MGAT4C: variants seen among roughly 807,000 people sequenced by gnomAD.
The protein encoded by MGAT4C is MGAT4 family member C, also known as alpha-1,3-mannosyl-glycoprotein 4-beta-N-acetylglucosaminyltransferase C.
In MGAT4C, 19 loss-of-function variants were observed where a neutral mutation model predicts 40.1. The ratio of observed to expected loss-of-function variants is 0.47; its 90% CI spans 0.33 to 0.70. The LOEUF is 0.70. Ranked by LOEUF, MGAT4C falls within the 30% of genes least tolerant of loss-of-function variation. MGAT4C has a pLI of 0.02. For missense variants in MGAT4C, 491 were observed against 563.2 expected, an observed-to-expected ratio of 0.87 and a Z score of 1.30; for synonymous variants, 181 against 187.1, an observed-to-expected ratio of 0.97 and a Z score of 0.27.
At chr12:86,341,442 G>C (rs139807928) in intron 3 of MGAT4C, among the ~76,000 whole-genome samples, 4 of 152,290 alleles carry the variant, frequency 2.6e-5, no homozygotes, top group African/African-American at 9.6e-5. Flanking sequence ...TGCTGCTCTA[G>C]CAAAGTAGAA....
chr12:86,634,749 A>G (rs1205610473), intron 2 of MGAT4C, among the ~76,000 whole-genome samples: 2 of 152,170 alleles, frequency 1.3e-5, no homozygotes, highest in Non-Finnish European at 2.9e-5. Flanking sequence ...CTTCAGGACC[A>G]GCTGGAGACT....
intron 3 of MGAT4C, among the ~76,000 whole-genome samples, chr12:86,406,492 T>C (rs1956477557): frequency 6.6e-6 from 1 of 152,058 alleles, no homozygotes; most frequent in Non-Finnish European, 1.5e-5. Flanking sequence ...TGAAAAGTTG[T>C]TCAACATCAT....
chr12:86,641,322 C>G lies in MGAT4C; in HGVS notation c.-229+85887G>C, dbSNP rs1369922616. The stretch of plus-strand genomic sequence containing the variant: ...CTCATAGGTGGGAATTGAACAATGA[C>G]AACACATGGACACAGGAAGGGGAAC... On this transcript the variant is annotated intron_variant, in intron 2 of 7. Transcript: ENST00000548651. Among the ~76,000 whole-genome samples, 43 of 149,638 alleles carry G rather than the reference C, an allele frequency of 2.9e-4. 1 individual carries two copies. Among genetic ancestry groups the G allele is most frequent in the East Asian group, 2.0e-4 (1 of 5,012 alleles).
In MGAT4C at chr12:85,975,094, T is replaced by C. The variant is rs1285234580; in HGVS notation, c.*4195A>G. 3 of 150,948 alleles carry C rather than the reference T, an allele frequency of 2.0e-5. No homozygotes were observed. Among genetic ancestry groups the C allele is most frequent in the African/African-American group, 7.3e-5 (3 of 41,328 alleles). 9.4% of individuals were successfully genotyped at this position (150,948 alleles called of 1,614,324 possible). The stretch of plus-strand genomic sequence containing the variant: ...CAGAAATGAATATTATTATTTGTGA[T>C]GAGAGCACTAGGGGCAATTTTGATA... On this transcript the variant is annotated 3_prime_UTR_variant, in exon 5 of 5. Transcript: ENST00000611864.
intron 2 of MGAT4C, among the ~76,000 whole-genome samples, chr12:86,717,263 C>T (rs575594013): frequency 6.6e-6 from 1 of 150,846 alleles, no homozygotes; most frequent in East Asian, 1.9e-4. Flanking sequence ...TTCTTAAACA[C>T]CTTATATAAG....
intron 1 of MGAT4C, among the ~76,000 whole-genome samples, chr12:86,085,295 CA>C (rs1871577978): frequency 6.6e-6 from 1 of 151,832 alleles, no homozygotes; most frequent in Admixed American, 6.6e-5. Flanking sequence ...ATGTCCTGAA[CA>C]GTATTGCCTA....
At chr12:86,508,420 G>A (rs1402519442) in intron 2 of MGAT4C, among the ~76,000 whole-genome samples, 7 of 152,108 alleles carry the variant, frequency 4.6e-5, no homozygotes, top group East Asian at 1.9e-4. Context: ...AGTATTCCAC[G>A]GTGTATATGT....
At chr12:86,144,485 G>A (rs557768104) in intron 1 of MGAT4C, among the ~76,000 whole-genome samples, 18 of 152,250 alleles carry the variant, frequency 1.2e-4, no homozygotes, top group African/African-American at 3.8e-4. Context: ...GAATTGGTAT[G>A]TGTGACCAAG....
At chr12:86,815,884 A>G (rs1336250791) in intron 1 of MGAT4C, among the ~76,000 whole-genome samples, 1 of 151,750 alleles carries the variant, frequency 6.6e-6, no homozygotes, top group African/African-American at 2.4e-5. Context: ...AAAGACTACA[A>G]ATATGGAGCA....
At chr12:86,709,432 AT>A (rs531557635) in intron 2 of MGAT4C, among the ~76,000 whole-genome samples, 42 of 152,344 alleles carry the variant, frequency 2.8e-4, no homozygotes, top group African/African-American at 1.0e-3. Context: ...CATTTATGTA[AT>A]AAAATTATCA....
chr12:86,157,673 A>C (rs1885121828), intron 1 of MGAT4C, among the ~76,000 whole-genome samples: 1 of 152,208 alleles, frequency 6.6e-6, no homozygotes. Context: ...GCCTCAGGAA[A>C]CTTACAATCA....
chr12:86,029,858 G>A (rs1199847829), intron 2 of MGAT4C, among the ~76,000 whole-genome samples: 1 of 151,788 alleles, frequency 6.6e-6, no homozygotes, highest in Non-Finnish European at 1.5e-5. Context: ...TATTACAGAG[G>A]AGAAAGTGTC....
chr12:86,134,031 T>C (rs1250798678), intron 1 of MGAT4C, among the ~76,000 whole-genome samples: 1 of 152,116 alleles, frequency 6.6e-6, no homozygotes, highest in Non-Finnish European at 1.5e-5. Flanking sequence ...ATTTTTTATT[T>C]TTCTTGAATT....
At chr12:86,650,258 C>T (rs553888989) in intron 2 of MGAT4C, among the ~76,000 whole-genome samples, 1 of 151,992 alleles carries the variant, frequency 6.6e-6, no homozygotes, top group African/African-American at 2.4e-5. Context: ...CATGTTAATA[C>T]TCATAATAAG....
intron 3 of MGAT4C, among the ~76,000 whole-genome samples, chr12:86,403,270 G>C (rs779051823): frequency 5.9e-5 from 9 of 152,100 alleles, no homozygotes; most frequent in Admixed American, 4.6e-4. Flanking sequence ...TTTTCTTACA[G>C]GGAATGATGC....
At chr12:86,060,951 G>A (rs763471248) in intron 1 of MGAT4C, among the ~76,000 whole-genome samples, 17 of 152,038 alleles carry the variant, frequency 1.1e-4, no homozygotes, top group African/African-American at 3.1e-4. Flanking sequence ...GAAATCCTGC[G>A]CCCATCATTT....
intron 2 of MGAT4C, among the ~76,000 whole-genome samples, chr12:86,698,294 A>G (rs1211221384): frequency 3.3e-5 from 5 of 152,136 alleles, no homozygotes; most frequent in Non-Finnish European, 7.4e-5. Flanking sequence ...CAAGTAAAAA[A>G]TACTCAGCCT....
intron 2 of MGAT4C, among the ~76,000 whole-genome samples, chr12:86,002,874 C>T (rs1388987720): frequency 2.0e-5 from 3 of 152,046 alleles, no homozygotes; most frequent in Non-Finnish European, 4.4e-5. Context: ...AATCACAGCT[C>T]ACTGCAGCCT....
intron 4 of MGAT4C, among the ~76,000 whole-genome samples, chr12:86,275,773 T>C (rs1298578233): frequency 6.6e-6 from 1 of 151,920 alleles, no homozygotes; most frequent in African/African-American, 2.4e-5. Context: ...ATAGCAGTGC[T>C]GACCTGTTTT....
Sources: allele counts gnomAD v4.1 joint callset (sites outside exome capture counted in the v4.1 genomes callset), GRCh38; gene constraint gnomAD v4.1.1; transcripts MANE v1.5; gene names NCBI Gene and HGNC (gene_info 2026-07-23, HGNC 2026-07-21).